GRIK2: variants seen among roughly 807,000 people sequenced by gnomAD.
The protein encoded by GRIK2 is glutamate receptor ionotropic, kainate 2.
In GRIK2, 32 loss-of-function variants were observed where a neutral mutation model predicts 100.3. The ratio of observed to expected loss-of-function variants is 0.32; its 90% confidence interval spans 0.24 to 0.43. GRIK2 has a LOEUF of 0.43. GRIK2 is among the 20% of genes least tolerant of loss of function. GRIK2 has a pLI of 1.00. For synonymous variants in GRIK2, 417 were observed against 389.4 expected, an observed-to-expected ratio of 1.07 and a Z score of -0.83; for missense variants, 843 against 1,114.9, an observed-to-expected ratio of 0.76 and a Z score of 3.47.
intron 10 of GRIK2, among the ~76,000 whole-genome samples, chr6:101,832,621 C>T (rs561590121): frequency 1.6e-4 from 25 of 152,222 alleles, no homozygotes; most frequent in African/African-American, 5.5e-4. Flanking sequence ...AGAAGAGCTA[C>T]GTATGATGTT....
chr6:101,506,576 A>C (rs559306736), intron 2 of GRIK2, among the ~76,000 whole-genome samples: 1 of 152,128 alleles, frequency 6.6e-6, no homozygotes, highest in African/African-American at 2.4e-5. Context: ...TTCCATGAAA[A>C]TGAAATTAAA....
intron 9 of GRIK2, among the ~76,000 whole-genome samples, chr6:101,803,747 T>C (rs1268036730): frequency 6.6e-6 from 1 of 151,982 alleles, no homozygotes; most frequent in African/African-American, 2.4e-5. Flanking sequence ...AAAATGGCAG[T>C]GCTCTTCATA....
At chr6:101,658,417 T>A (rs1309523605) in intron 4 of GRIK2, among the ~76,000 whole-genome samples, 1 of 152,204 alleles carries the variant, frequency 6.6e-6, no homozygotes, top group East Asian at 1.9e-4. Context: ...TATTCCGTAG[T>A]GTGTATGTGC....
intron 14 of GRIK2, among the ~76,000 whole-genome samples, chr6:101,998,669 A>C (rs891356804): frequency 6.6e-6 from 1 of 152,080 alleles, no homozygotes; most frequent in East Asian, 1.9e-4. Flanking sequence ...GGTATAGATG[A>C]AAGTTTTTGC....
At position 101,626,504 on chromosome 6, in the gene GRIK2, C is replaced by A; in HGVS notation, c.408C>A (p.His136Gln). 6.2e-7 allele frequency: 1 copy of A among 1,613,936 alleles called. No individual in the cohort carries two copies. Among genetic ancestry groups the A allele is most frequent in the Non-Finnish European group, 8.5e-7 (1 of 1,179,926 alleles). Reference protein sequence around the residue: ...GVPHIQTRWKHQVSDNKDSFY... With the variant: ...GVPHIQTRWKQQVSDNKDSFY... ...CCCACATACAGACCCGCTGGAAGCA[C>A]CAGGTGTCAGACAACAAAGATTCCT... The change falls in exon 4 of 17, where the codon CAC becomes CAA. Residue 136 changes from histidine (H) to glutamine (Q), a missense_variant. His to Gln is a conservative substitution (Grantham distance 24). Transcript: ENST00000369134.
At chr6:101,515,291 C>A (rs1472756517) in intron 2 of GRIK2, among the ~76,000 whole-genome samples, 1 of 151,904 alleles carries the variant, frequency 6.6e-6, no homozygotes, top group Non-Finnish European at 1.5e-5. Context: ...ATACACACAC[C>A]ACAGTTTCTT....
In GRIK2 at chr6:101,936,655, C is replaced by T. The variant is rs118109751; in HGVS notation, c.2085+8023C>T. ...CATAAGGACTACAGGAAACCAACACCATTTTACTATGTTCCCATTGCAAGA... is the reference window on the plus strand; with the variant it reads ...CATAAGGACTACAGGAAACCAACACTATTTTACTATGTTCCCATTGCAAGA... On this transcript the variant is annotated intron_variant, in intron 14 of 16. Transcript: ENST00000369134. Among the ~76,000 whole-genome samples the T allele has an allele frequency of 4.9e-3, 744 of 152,122 alleles. 15 individuals carry two copies. The highest frequency in any genetic ancestry group is 0.036 in the Admixed American group (550 of 15,232).
At chr6:101,825,829 AT>A (rs1367403986) in intron 10 of GRIK2, among the ~76,000 whole-genome samples, 2 of 151,990 alleles carry the variant, frequency 1.3e-5, no homozygotes, top group Non-Finnish European at 2.9e-5. Flanking sequence ...TAACATTCTC[AT>A]TTTTTTAGGA....
chr6:101,917,038 A>G (rs546324872), intron 12 of GRIK2, among the ~76,000 whole-genome samples: 1 of 151,708 alleles, frequency 6.6e-6, no homozygotes, highest in South Asian at 2.1e-4. Flanking sequence ...AAGGTTGTCT[A>G]TTATCTGATA....
At chr6:101,440,559 A>T (rs1769989032) in intron 2 of GRIK2, among the ~76,000 whole-genome samples, 1 of 152,178 alleles carries the variant, frequency 6.6e-6, no homozygotes, top group South Asian at 2.1e-4. Flanking sequence ...GCCCAGTTGG[A>T]AGTAACTGGA....
chr6:101,592,615 A>ATATG (rs1554225426), intron 2 of GRIK2, among the ~76,000 whole-genome samples: 2 of 127,820 alleles, frequency 1.6e-5, no homozygotes, highest in African/African-American at 6.6e-5. Flanking sequence ...ATATATATAT[A>ATATG]TATATATATT....
At chr6:102,043,066 G>A (rs961326942) in intron 15 of GRIK2, among the ~76,000 whole-genome samples, 2 of 151,496 alleles carry the variant, frequency 1.3e-5, no homozygotes, top group Non-Finnish European at 3.0e-5. Flanking sequence ...CCATATATAA[G>A]CATCTCCCTT....
chr6:101,394,215 C>A (rs1489949704), intron 1 of GRIK2, among the ~76,000 whole-genome samples: 1 of 152,136 alleles, frequency 6.6e-6, no homozygotes, highest in East Asian at 1.9e-4. Context: ...GCGGGTCTGA[C>A]GAACTCCCCA....
At chr6:101,773,599 A>G (rs1011522788) in intron 7 of GRIK2, among the ~76,000 whole-genome samples, 2 of 152,118 alleles carry the variant, frequency 1.3e-5, no homozygotes, top group Non-Finnish European at 2.9e-5. Context: ...AACAAAACCA[A>G]AAACTCTGTC....
chr6:101,921,977 A>G (rs903308370), intron 12 of GRIK2, among the ~76,000 whole-genome samples: 1 of 151,994 alleles, frequency 6.6e-6, no homozygotes, highest in Admixed American at 6.6e-5. Context: ...ATATCAATTT[A>G]CCAAACATTT....
At chr6:101,493,282 A>T (rs937060718) in intron 2 of GRIK2, among the ~76,000 whole-genome samples, 15 of 152,140 alleles carry the variant, frequency 9.9e-5, no homozygotes, top group African/African-American at 3.6e-4. Context: ...AGTAAATCTA[A>T]CAAAAAAGAA....
chr6:101,525,041 C>G (rs377145961), intron 2 of GRIK2, among the ~76,000 whole-genome samples: 1 of 151,996 alleles, frequency 6.6e-6, no homozygotes, highest in Non-Finnish European at 1.5e-5. Context: ...CCCCCACTTG[C>G]GTGTTCTTGA....
At chr6:101,530,444 TAGA>T (rs1192490369) in intron 2 of GRIK2, among the ~76,000 whole-genome samples, 3 of 151,870 alleles carry the variant, frequency 2.0e-5, no homozygotes, top group Admixed American at 1.3e-4. Context: ...ACATAACAAT[TAGA>T]AGGAAATTAT....
intron 2 of GRIK2, among the ~76,000 whole-genome samples, chr6:101,404,187 G>A (rs1775483759): frequency 6.6e-6 from 1 of 152,158 alleles, no homozygotes; most frequent in Non-Finnish European, 1.5e-5. Flanking sequence ...TGATCATTAC[G>A]ATGTGTTCAT....
Sources: gnomAD v4.1 joint callset for allele counts (sites outside exome capture counted in the v4.1 genomes callset) on GRCh38, gnomAD v4.1.1 for gene constraint, MANE v1.5 for transcripts, NCBI Gene and HGNC (gene_info 2026-07-23, HGNC 2026-07-21) for gene names.